COBLL1: variants seen among roughly 807,000 people sequenced by gnomAD.
COBLL1 encodes cordon-bleu WH2 repeat protein like 1, also known as cordon-bleu protein-like 1.
A neutral mutation model predicts 94.8 loss-of-function variants in COBLL1; 50 were observed. The ratio of observed to expected loss-of-function variants is 0.53; its 90% CI spans 0.42 to 0.67. The LOEUF is 0.67. Among genes scored for constraint, COBLL1 ranks in the 30% least tolerant of loss-of-function variants. The pLI is 0.00. For synonymous variants in COBLL1, 448 were observed against 473.8 expected, an observed-to-expected ratio of 0.95 and a Z score of 0.71; for missense variants, 1,362 against 1,348.7, an observed-to-expected ratio of 1.01 and a Z score of -0.15.
intron 2 of COBLL1, among the ~76,000 whole-genome samples, chr2:164,747,840 A>G (rs1003715344): frequency 6.6e-6 from 1 of 152,206 alleles, no homozygotes; most frequent in African/African-American, 2.4e-5. Flanking sequence ...TTAATAATGT[A>G]TTTGTAACTT....
chr2:164,819,156 G>A (rs1685034394), intron 2 of COBLL1, among the ~76,000 whole-genome samples: 1 of 151,954 alleles, frequency 6.6e-6, no homozygotes, highest in South Asian at 2.1e-4. Flanking sequence ...TCCAAGAAAA[G>A]GGAAAATAAA....
chr2:164,725,541 T>C (rs545000364), intron 5 of COBLL1, among the ~76,000 whole-genome samples: 2 of 152,158 alleles, frequency 1.3e-5, no homozygotes, highest in African/African-American at 2.4e-5. Flanking sequence ...ACCTCAGCCT[T>C]CTGAGTAGCT....
intron 1 of COBLL1, among the ~76,000 whole-genome samples, chr2:164,666,650 C>T (rs913755885): frequency 6.6e-6 from 1 of 152,184 alleles, no homozygotes; most frequent in South Asian, 2.1e-4. Context: ...CAAAACCTGC[C>T]GATGCTTTTT....
At chr2:164,673,638 C>A (rs995521802) in intron 1 of COBLL1, among the ~76,000 whole-genome samples, 1 of 151,996 alleles carries the variant, frequency 6.6e-6, no homozygotes, top group African/African-American at 2.4e-5. Context: ...CGGGCCACTG[C>A]ACTGCAGCCT....
intron 2 of COBLL1, among the ~76,000 whole-genome samples, chr2:164,765,663 T>G (rs1193273438): frequency 1.3e-5 from 2 of 152,160 alleles, no homozygotes; most frequent in Admixed American, 6.5e-5. Flanking sequence ...TACTCTCACC[T>G]TTTGTGTTTG....
intron 2 of COBLL1, among the ~76,000 whole-genome samples, chr2:164,785,743 G>T (rs1173917823): frequency 6.6e-6 from 1 of 151,734 alleles, no homozygotes; most frequent in Non-Finnish European, 1.5e-5. Flanking sequence ...TCCTTGCTGG[G>T]AGTTTTCAGT....
chr2:164,698,494 C>T (rs1157241263), intron 11 of COBLL1, among the ~76,000 whole-genome samples: 1 of 151,468 alleles, frequency 6.6e-6, no homozygotes, highest in Non-Finnish European at 1.5e-5. Flanking sequence ...ACCTAGTTTT[C>T]TAGATTAACA....
At chr2:164,749,708 A>C (rs560890992) in intron 2 of COBLL1, among the ~76,000 whole-genome samples, 1 of 152,340 alleles carries the variant, frequency 6.6e-6, no homozygotes, top group East Asian at 1.9e-4. Context: ...CTAATTTCAA[A>C]TAGTGAGTAT....
intron 13 of COBLL1, among the ~76,000 whole-genome samples, chr2:164,689,895 C>T (rs1683502852): frequency 6.6e-6 from 1 of 152,036 alleles, no homozygotes; most frequent in African/African-American, 2.4e-5. Context: ...TACTTCCTTG[C>T]TTTTAAAAAT....
intron 2 of COBLL1, among the ~76,000 whole-genome samples, chr2:164,786,027 C>T (rs908695706): frequency 5.3e-5 from 8 of 151,948 alleles, no homozygotes; most frequent in East Asian, 3.9e-4. Context: ...TCTAATTTTT[C>T]GGATGAATAA....
intron 2 of COBLL1, among the ~76,000 whole-genome samples, chr2:164,780,809 G>C (rs550452565): frequency 8.5e-5 from 13 of 152,296 alleles, no homozygotes; most frequent in Non-Finnish European, 1.6e-4. Flanking sequence ...GTAGGCGACA[G>C]ACAGAGTGTA....
At chr2:164,665,664 T>C (rs796358214) in intron 2 of COBLL1, among the ~76,000 whole-genome samples, 1 of 152,354 alleles carries the variant, frequency 6.6e-6, no homozygotes, top group East Asian at 1.9e-4. Context: ...GGATGGTAGC[T>C]ATTTTTTAAT....
intron 3 of COBLL1, among the ~76,000 whole-genome samples, chr2:164,740,668 T>A (rs1266289051): frequency 6.6e-6 from 1 of 152,200 alleles, no homozygotes; most frequent in African/African-American, 2.4e-5. Context: ...TAAAGAAAAG[T>A]AATGATATTC....
chr2:164,706,043 GAATA>G (rs759374772), intron 7 of COBLL1, among the ~76,000 whole-genome samples: 18 of 152,020 alleles, frequency 1.2e-4, no homozygotes, highest in Non-Finnish European at 2.2e-4. Context: ...TTGAAAAAAT[GAATA>G]AATAAACAAA....
chr2:164,754,030 C>T (rs775304666), intron 2 of COBLL1, among the ~76,000 whole-genome samples: 12 of 151,962 alleles, frequency 7.9e-5, no homozygotes, highest in Non-Finnish European at 1.6e-4. Context: ...ACCGTGCTGG[C>T]CCAGAATCTA....
intron 2 of COBLL1, among the ~76,000 whole-genome samples, chr2:164,826,133 A>G (rs898951187): frequency 5.3e-5 from 8 of 152,250 alleles, no homozygotes; most frequent in Admixed American, 2.6e-4. Context: ...TTCATCTTAC[A>G]TAAGAGAAAA....
chr2:164,771,099 G>T (rs1688180157), intron 2 of COBLL1, among the ~76,000 whole-genome samples: 1 of 151,798 alleles, frequency 6.6e-6, no homozygotes, highest in Middle Eastern at 3.2e-3. Flanking sequence ...CTTATAAAAA[G>T]CTAGAAAATA....
At chr2:164,724,029 G>A (rs1685595214) in intron 5 of COBLL1, 1 of 152,226 alleles carries the variant, frequency 6.6e-6, no homozygotes, top group Admixed American at 6.5e-5. Context: ...CTGGCCTCAG[G>A]TGATCCACCC....
chr2:164,709,610 T>C (rs978521445), intron 7 of COBLL1, among the ~76,000 whole-genome samples: 39 of 152,050 alleles, frequency 2.6e-4, no homozygotes, highest in African/African-American at 9.2e-4. Flanking sequence ...CCCAGCTACT[T>C]GGGAGGCTGA....
Sources: allele counts gnomAD v4.1 joint callset (sites outside exome capture counted in the v4.1 genomes callset), GRCh38; gene constraint gnomAD v4.1.1; transcripts MANE v1.5; gene names NCBI Gene and HGNC (gene_info 2026-07-23, HGNC 2026-07-21).